SLC71A2: variants seen among roughly 807,000 people sequenced by gnomAD.
SLC71A2 encodes solute carrier family 71 member 2.
the SLC71A2 span, among the ~76,000 whole-genome samples, chr9:94,421,880 C>T: frequency 0.015 from 2,238 of 152,160 alleles, 50 homozygotes; most frequent in African/African-American, 0.051. Flanking sequence ...CCATAGCAGA[C>T]AACACTTCAC....
chr9:94,453,148 C>CT, the SLC71A2 span, among the ~76,000 whole-genome samples: 7,145 of 124,704 alleles, frequency 0.057, 305 homozygotes, highest in Non-Finnish European at 0.084. Flanking sequence ...ACTCAGCCAT[C>CT]TTTTTTTTTT....
the SLC71A2 span, among the ~76,000 whole-genome samples, chr9:94,379,848 A>C: frequency 6.6e-6 from 1 of 152,246 alleles, no homozygotes; most frequent in Admixed American, 6.5e-5. Context: ...ATTCAATGGT[A>C]ATGGTAAAAG....
At chr9:94,454,174 G>A in the SLC71A2 span, 11 of 755,968 alleles carry the variant, frequency 1.5e-5, no homozygotes, top group Non-Finnish European at 2.5e-5. Context: ...TATTTTGCTG[G>A]TTTGGTGTAT....
At chr9:94,440,972 A>C in the SLC71A2 span, 2 of 1,550,418 alleles carry the variant, frequency 1.3e-6, no homozygotes, top group South Asian at 1.1e-5. Flanking sequence ...TCATTAAAAT[A>C]ATCTTTTTAT....
At chr9:94,457,694 T>C in the SLC71A2 span, among the ~76,000 whole-genome samples, 1 of 152,226 alleles carries the variant, frequency 6.6e-6, no homozygotes, top group Non-Finnish European at 1.5e-5. Context: ...TTTTGACTTT[T>C]TATACTTATT....
chr9:94,383,190 T>G, the SLC71A2 span, among the ~76,000 whole-genome samples: 1 of 124,162 alleles, frequency 8.1e-6, no homozygotes, highest in Non-Finnish European at 1.6e-5. Context: ...TGAGATGGCG[T>G]CTTGTCCCAT....
At chr9:94,393,717 A>T in the SLC71A2 span, among the ~76,000 whole-genome samples, 1 of 147,806 alleles carries the variant, frequency 6.8e-6, no homozygotes, top group Admixed American at 6.9e-5. Context: ...GTATGTATAT[A>T]TAATGTGCTT....
At chr9:94,453,924 GT>G in the SLC71A2 span, 2 of 1,364,056 alleles carry the variant, frequency 1.5e-6, no homozygotes, top group Non-Finnish European at 2.1e-6. Context: ...GTGTGTTGAT[GT>G]GGTTTTTCAG....
At chr9:94,405,056 G>A in the SLC71A2 span, among the ~76,000 whole-genome samples, 1 of 152,070 alleles carries the variant, frequency 6.6e-6, no homozygotes, top group East Asian at 1.9e-4. Flanking sequence ...TCTTTTTAAT[G>A]TGGATATCCA....
the SLC71A2 span, among the ~76,000 whole-genome samples, chr9:94,378,248 C>T: frequency 6.6e-6 from 1 of 151,668 alleles, no homozygotes; most frequent in African/African-American, 2.4e-5. Flanking sequence ...GGAAGCTTAG[C>T]ACCAGCATCT....
the SLC71A2 span, among the ~76,000 whole-genome samples, chr9:94,379,585 C>CT: frequency 6.6e-6 from 1 of 151,380 alleles, no homozygotes; most frequent in Non-Finnish European, 1.5e-5. Flanking sequence ...GAGATTGGGT[C>CT]TCACTGTGTT....
the SLC71A2 span, among the ~76,000 whole-genome samples, chr9:94,429,936 C>T: frequency 5.4e-5 from 8 of 147,570 alleles, no homozygotes; most frequent in Non-Finnish European, 1.0e-4. Flanking sequence ...GATGGAGTCT[C>T]GCTCTGTCAC....
chr9:94,438,180 C>T, the SLC71A2 span, among the ~76,000 whole-genome samples: 1 of 152,170 alleles, frequency 6.6e-6, no homozygotes. Context: ...TCAAGTGATC[C>T]ACCCGCCTCG....
the SLC71A2 span, among the ~76,000 whole-genome samples, chr9:94,411,558 C>G: frequency 6.6e-6 from 1 of 151,354 alleles, no homozygotes. Flanking sequence ...TGGCAGGATT[C>G]TAAGTTAATT....
At chr9:94,381,961 T>A in the SLC71A2 span, among the ~76,000 whole-genome samples, 1 of 152,150 alleles carries the variant, frequency 6.6e-6, no homozygotes, top group Non-Finnish European at 1.5e-5. Flanking sequence ...TCTTTAGTGA[T>A]GTCTCATTGT....
At chr9:94,403,686 A>G in the SLC71A2 span, among the ~76,000 whole-genome samples, 1 of 152,056 alleles carries the variant, frequency 6.6e-6, no homozygotes, top group Admixed American at 6.6e-5. Context: ...ATAGATAGCC[A>G]AAAGTGGAAT....
the SLC71A2 span, among the ~76,000 whole-genome samples, chr9:94,398,182 A>G: frequency 6.6e-6 from 1 of 151,144 alleles, no homozygotes; most frequent in African/African-American, 2.5e-5. Context: ...TTGTTCTAGC[A>G]TTGGCCATTG....
the SLC71A2 span, among the ~76,000 whole-genome samples, chr9:94,380,140 G>A: frequency 1.3e-5 from 2 of 152,256 alleles, no homozygotes; most frequent in Non-Finnish European, 2.9e-5. Flanking sequence ...GGTGGTGGGC[G>A]CCTGTAGTCC....
the SLC71A2 span, among the ~76,000 whole-genome samples, chr9:94,422,769 A>G: frequency 6.6e-6 from 1 of 152,098 alleles, no homozygotes; most frequent in Non-Finnish European, 1.5e-5. Context: ...GTGTCAGTTC[A>G]TGTGTTTCAT....
Sources: gnomAD v4.1 joint callset for allele counts (sites outside exome capture counted in the v4.1 genomes callset) on GRCh38, gnomAD v4.1.1 for gene constraint, MANE v1.5 for transcripts, NCBI Gene and HGNC (gene_info 2026-07-23, HGNC 2026-07-21) for gene names.